TKTL1: variants seen among roughly 807,000 people sequenced by gnomAD.
TKTL1 encodes the protein transketolase like 1.
TKTL1 carries 1 observed loss-of-function variant against 39.3 expected under a neutral mutation model. That is an observed-to-expected ratio of 0.03 (90% CI 0.01 to 0.12). The LOEUF (loss-of-function observed/expected upper bound fraction) is 0.12, where lower values mean the gene tolerates loss of function less well. TKTL1 is among the 10% of genes least tolerant of loss of function. The pLI is 1.00. For missense variants in TKTL1, 575 were observed against 509.6 expected (o/e 1.13, Z -1.24); for synonymous variants, 262 against 193.8 (o/e 1.35, Z -2.92).
chrX:154,300,770 C>G (rs782709206), intron 1 of TKTL1, among the ~76,000 whole-genome samples: 176 of 111,028 alleles, frequency 1.6e-3, no homozygotes, highest in Non-Finnish European at 2.5e-3. Flanking sequence ...GATCTCGGCT[C>G]GCTGCAACCT....
At chrX:154,303,384 T>A (rs2067290196) in intron 1 of TKTL1, among the ~76,000 whole-genome samples, 1 of 72,287 alleles carries the variant, frequency 1.4e-5, no homozygotes, top group African/African-American at 5.7e-5. Flanking sequence ...AGCTAATTTT[T>A]TTTTTTTTTT....
intron 3 of TKTL1, among the ~76,000 whole-genome samples, chrX:154,310,603 A>G (rs782137758): frequency 3.0e-4 from 34 of 112,578 alleles, no homozygotes; most frequent in African/African-American, 1.0e-3. Flanking sequence ...AAGTTGCTTT[A>G]CAGCTAGAAC....
Position 154,305,351 on chromosome X carries a change from T to G in TKTL1, c.182T>G (p.Phe61Cys). Residue 61 changes from phenylalanine (F) to cysteine (C), a missense_variant, in exon 2 of 13, where the codon TTC becomes TGC. Phe to Cys is a radical substitution (Grantham distance 205). Transcript: ENST00000369915. ...TCTTCTGAGATCATGTCTGTGCTGT[T>G]CTTCTACATCATGAGGTACAAGCAG... The part of the protein sequence containing the change: ...SSSSEIMSVL[F>C]FYIMRYKQSD... 8.3e-7 allele frequency: 1 copy of G among 1,210,688 alleles called. No homozygotes were observed. Among genetic ancestry groups the G allele is most frequent in the Non-Finnish European group, 1.1e-6 (1 of 894,788 alleles).
At chrX:154,305,797 C>T (rs1188450531) in intron 2 of TKTL1, among the ~76,000 whole-genome samples, 1 of 111,012 alleles carries the variant, frequency 9.0e-6, no homozygotes, top group Non-Finnish European at 1.9e-5. Context: ...CCGGGAGGGA[C>T]ATCCCACCCC....
chrX:154,312,804 C>T (rs782562572), intron 6 of TKTL1, 31 bp downstream of exon 6: 51 of 1,139,092 alleles, frequency 4.5e-5, no homozygotes, highest in Non-Finnish European at 5.6e-5. Context: ...TTGAATAAAT[C>T]AGATACGTCA....
At chrX:154,302,852 C>T (rs1225719336) in intron 1 of TKTL1, among the ~76,000 whole-genome samples, 1 of 111,271 alleles carries the variant, frequency 9.0e-6, no homozygotes, top group African/African-American at 3.3e-5. Context: ...GAGAAAAGGT[C>T]CTGTGAAGGC....
In TKTL1 at chrX:154,310,968, T is replaced by A; in HGVS notation, c.483T>A (p.Ser161Arg). Residue 161 changes from serine to arginine, a missense_variant, in exon 4 of 13, where the codon AGT (serine) becomes AGA (arginine). Coordinates refer to ENST00000369915, the MANE Select transcript of TKTL1 (RefSeq NM_012253.4). ...AIFDVNRLGH[S>R]GALPAEHCIN... The stretch of plus-strand genomic sequence containing the variant: ...TTGATGTGAACCGCCTGGGACACAG[T>A]GGTGCATTGCCCGCCGAGCACTGCA... The A allele has an allele frequency of 8.3e-7, 1 of 1,212,011 alleles. No homozygotes were observed. The highest frequency in any genetic ancestry group is 1.1e-6 in the Non-Finnish European group (1 of 895,567).
intron 1 of TKTL1, among the ~76,000 whole-genome samples, chrX:154,299,985 T>C (rs2067260437): frequency 9.1e-6 from 1 of 110,393 alleles, no homozygotes; most frequent in Admixed American, 9.7e-5. Flanking sequence ...GAATGGTAGA[T>C]AGATGGTAAT....
At chrX:154,307,340 T>G (rs982086832) in intron 2 of TKTL1, among the ~76,000 whole-genome samples, 1 of 112,232 alleles carries the variant, frequency 8.9e-6, no homozygotes, top group African/African-American at 3.2e-5. Flanking sequence ...CCAGAATTTG[T>G]GTGTTCATCA....
At position 154,327,561 on chromosome X, in the gene TKTL1, C is replaced by T. The variant is rs781819934; in HGVS notation, c.1402-30C>T. The T allele has an allele frequency of 1.2e-5, 14 of 1,164,103 alleles. No homozygotes were observed. In the Middle Eastern group the frequency reaches 7.1e-4, roughly 59 times the overall value. ...ACATGCATTCTGTGTGTAGTAACCA[C>T]GGCATTCTGTTTTGCTGGCACTATA... On this transcript the variant is annotated intron_variant, in intron 10 of 12. Transcript: ENST00000369915.
chrX:154,311,743 TAA>T (rs372349493), intron 5 of TKTL1, among the ~76,000 whole-genome samples: 6 of 111,507 alleles, frequency 5.4e-5, no homozygotes, highest in African/African-American at 2.0e-4. Flanking sequence ...TGGATTTTTT[TAA>T]AAGACTATAG....
At chrX:154,319,079 T>G (rs943433647) in intron 7 of TKTL1, among the ~76,000 whole-genome samples, 5 of 111,541 alleles carry the variant, frequency 4.5e-5, no homozygotes, top group Non-Finnish European at 9.4e-5. Context: ...GTGATAGCAT[T>G]GAGAACAGAT....
At position 154,312,748 on chromosome X, in the gene TKTL1, C is replaced by T. The variant is rs781907217; in HGVS notation, c.839C>T (p.Pro280Leu). ...VNITDVRMTSPPDYRVGDKIA... is the reference protein window; with the variant it reads ...VNITDVRMTSLPDYRVGDKIA... The stretch of plus-strand genomic sequence containing the variant: ...ATCACAGATGTAAGGATGACCTCTC[C>T]ACCTGATTACAGAGTTGGTGACAAG... The change falls in exon 6 of 13, where the codon CCA becomes CTA. Residue 280 changes from proline (P) to leucine (L), a missense_variant. By Grantham distance (98) the Pro-to-Leu change is moderately conservative. Transcript: ENST00000369915. The T allele has an allele frequency of 1.7e-6, 2 of 1,205,625 alleles. No homozygotes were observed. The highest frequency in any genetic ancestry group is 2.2e-5 in the Admixed American group (1 of 44,870).
At chrX:154,309,840 T>A (rs2067342433) in intron 3 of TKTL1, among the ~76,000 whole-genome samples, 6 of 110,830 alleles carry the variant, frequency 5.4e-5, no homozygotes, top group Admixed American at 4.8e-4. Flanking sequence ...TTTCAAGTGA[T>A]TCTCCTGCCT....
rs887194360 is a variant in TKTL1, at chrX:154,321,447, G to A, written c.1186+534G>A. Among the ~76,000 whole-genome samples the A allele has an allele frequency of 4.1e-5, 4 of 97,012 alleles. No homozygotes were observed. The Admixed American group carries it at 4.7e-4, about 11-fold the overall frequency. 84.2% of individuals were successfully genotyped at this position (97,012 alleles called of 115,157 possible). A position where few individuals can be genotyped will look rare whatever the true frequency, so the allele number is the denominator to read the frequency against. On this transcript the variant is annotated intron_variant, in intron 8 of 12. Coordinates refer to ENST00000369915, the MANE Select transcript of TKTL1 (RefSeq NM_012253.4). ...GCAGGTGGGCTAGAAGGAAACCACA[G>A]GAAACGGGAAGCCAGAGAGGGGATT...
At position 154,312,784 on chromosome X, in the gene TKTL1, A is replaced by G. The variant is rs1279355998; in HGVS notation, c.864+11A>G. 2 of 1,190,771 alleles carry G rather than the reference A, an allele frequency of 1.7e-6. No homozygotes were observed. Among genetic ancestry groups the G allele is most frequent in the African/African-American group, 1.8e-5 (1 of 56,649 alleles). ...AGAGTTGGTGACAAGGTAGGCAGAA[A>G]GGTGGATAATTGAATAAATCAGATA... On this transcript the variant is annotated intron_variant, in intron 6 of 12. Transcript: ENST00000369915.
chrX:154,321,159 G>C (rs982800584), intron 8 of TKTL1, among the ~76,000 whole-genome samples: 5 of 110,375 alleles, frequency 4.5e-5, no homozygotes, highest in Non-Finnish European at 7.6e-5. Flanking sequence ...AGTGCCCCTT[G>C]TGTGTTGAGC....
At chrX:154,317,522 G>A (rs1350686937) in intron 7 of TKTL1, among the ~76,000 whole-genome samples, 4 of 112,219 alleles carry the variant, frequency 3.6e-5, no homozygotes, top group Non-Finnish European at 7.5e-5. Context: ...GGTCATACGG[G>A]GTCTTATAGG....
intron 9 of TKTL1, among the ~76,000 whole-genome samples, chrX:154,324,145 T>G (rs986279323): frequency 1.8e-5 from 2 of 110,840 alleles, no homozygotes; most frequent in Non-Finnish European, 3.8e-5. Flanking sequence ...GTGTTTTGTT[T>G]TTTGGGTTTT....
Sources: gnomAD v4.1 joint callset for allele counts (sites outside exome capture counted in the v4.1 genomes callset) on GRCh38, gnomAD v4.1.1 for gene constraint, MANE v1.5 for transcripts, NCBI Gene and HGNC (gene_info 2026-07-23, HGNC 2026-07-21) for gene names.